Variants in HAUS7 observed in about 807,000 individuals in gnomAD.
HAUS7 encodes HAUS augmin-like complex subunit 7.
HAUS7 carries 3 observed loss-of-function variants against 28.4 expected under a neutral mutation model. That is an observed-to-expected ratio of 0.11 (90% confidence interval 0.05 to 0.27). HAUS7 has a LOEUF of 0.27. Among genes scored for constraint, HAUS7 ranks in the 10% least tolerant of loss-of-function variants. HAUS7 has a pLI of 1.00. For missense variants in HAUS7, 284 were observed against 297.3 expected, an observed-to-expected ratio of 0.96 and a Z score of 0.33; for synonymous variants, 165 against 132.1, an observed-to-expected ratio of 1.25 and a Z score of -1.71.
chrX:153,487,871 C>T (rs1413526875), intron 1 of HAUS7, among the ~76,000 whole-genome samples: 1 of 112,736 alleles, frequency 8.9e-6, no homozygotes, highest in Non-Finnish European at 1.9e-5. Context: ...ACTGGGTCTG[C>T]GGAGCCCTCG....
chrX:153,490,444 C>T (rs1556989403), intron 1 of HAUS7, among the ~76,000 whole-genome samples: 2 of 112,872 alleles, frequency 1.8e-5, no homozygotes, highest in African/African-American at 6.4e-5. Context: ...GTGGAGGCTC[C>T]GCTCACTCAG....
chrX:153,461,049 G>A (rs932367384), intron 4 of HAUS7, among the ~76,000 whole-genome samples: 7 of 112,405 alleles, frequency 6.2e-5, no homozygotes, highest in African/African-American at 1.9e-4. Context: ...CACACACAGG[G>A]GGGACCCGAA....
upstream of HAUS7, among the ~76,000 whole-genome samples, chrX:153,473,834 C>G (rs73245884): frequency 0.11 from 12,599 of 110,728 alleles, 790 homozygotes; most frequent in East Asian, 0.29. Flanking sequence ...TCATCTCCTC[C>G]CTGTCTTCCT....
chrX:153,483,790 G>A (rs2089617248), intron 1 of HAUS7, among the ~76,000 whole-genome samples: 1 of 112,022 alleles, frequency 8.9e-6, no homozygotes, highest in South Asian at 3.7e-4. Flanking sequence ...CTGCCCTGCC[G>A]GCCCCCAGGA....
At chrX:153,463,552 C>T (rs955565281) in intron 3 of HAUS7, among the ~76,000 whole-genome samples, 18 of 112,660 alleles carry the variant, frequency 1.6e-4, no homozygotes, top group Non-Finnish European at 5.6e-5. Context: ...TCCCCGGGCA[C>T]CCTGTTCCCA....
intron 1 of HAUS7, among the ~76,000 whole-genome samples, chrX:153,476,058 C>T (rs1309567381): frequency 1.8e-5 from 2 of 112,057 alleles, no homozygotes; most frequent in Non-Finnish European, 1.9e-5. Flanking sequence ...TCCTGTGACT[C>T]CTCTGCTTAG....
intron 1 of HAUS7, among the ~76,000 whole-genome samples, chrX:153,487,496 C>T (rs1360233973): frequency 8.9e-6 from 1 of 112,183 alleles, no homozygotes; most frequent in African/African-American, 3.2e-5. Flanking sequence ...ATTCCTGGCC[C>T]CAGAACCCTC....
intron 1 of HAUS7, chrX:153,480,584 G>C (rs1040275778): frequency 2.1e-5 from 16 of 753,890 alleles, no homozygotes; most frequent in Non-Finnish European, 2.5e-5. Flanking sequence ...CCGCAGGTCA[G>C]CTGCAGCCCA....
In HAUS7 at chrX:153,455,620, G is replaced by A; in HGVS notation, c.852C>T (p.Cys284=). ...QVYDDELGEC[C]QRPGPDLHPC... Reference sequence around the variant, plus strand: ...GGTGGAGGTCAGGGCCTGGGCGCTGGCAGCACTCGCCCAGCTCGTCGTCGT... The same window carrying A: ...GGTGGAGGTCAGGGCCTGGGCGCTGACAGCACTCGCCCAGCTCGTCGTCGT... Residue 284 remains cysteine, a synonymous_variant, in exon 8 of 10, where the codon TGC becomes TGT. Coordinates refer to ENST00000370211, the MANE Select transcript of HAUS7 (RefSeq NM_001385482.1). 1 of 1,208,985 alleles carries A rather than the reference G, an allele frequency of 8.3e-7. No homozygotes were observed. The highest frequency in any genetic ancestry group is 3.0e-5 in the East Asian group (1 of 33,844).
intron 2 of HAUS7, among the ~76,000 whole-genome samples, chrX:153,467,380 C>T (rs952514275): frequency 1.2e-4 from 13 of 111,595 alleles, no homozygotes; most frequent in Admixed American, 1.9e-4. Context: ...CTCAGCACGT[C>T]GCTCCCCAGG....
At chrX:153,470,705 C>A, upstream of HAUS7, 1 of 885,750 alleles carries the variant, frequency 1.1e-6, no homozygotes, top group African/African-American at 2.0e-5. Flanking sequence ...TCTCCGCCTG[C>A]GCGGGCCCCG....
At chrX:153,475,393 C>G (rs894731765), upstream of HAUS7, among the ~76,000 whole-genome samples, 12 of 110,401 alleles carry the variant, frequency 1.1e-4, no homozygotes, top group Non-Finnish European at 1.5e-4. Flanking sequence ...TCCACCCCCA[C>G]CCCGCAGCAG....
At chrX:153,479,565 G>A (rs926891938) in intron 1 of HAUS7, among the ~76,000 whole-genome samples, 7 of 111,996 alleles carry the variant, frequency 6.3e-5, no homozygotes, top group African/African-American at 2.3e-4. Context: ...AGGAGCGGGC[G>A]CTACAGTGAG....
chrX:153,485,705 T>C, intron 1 of HAUS7: 1 of 711,268 alleles, frequency 1.4e-6, no homozygotes, highest in Admixed American at 7.1e-5. Flanking sequence ...CTGCAGCCCC[T>C]GGAACTCCCC....
At chrX:153,494,426 G>T (rs1161368638) in intron 1 of HAUS7, among the ~76,000 whole-genome samples, 3 of 112,069 alleles carry the variant, frequency 2.7e-5, no homozygotes, top group Non-Finnish European at 5.6e-5. Context: ...GGCACAGGGC[G>T]CCAGGAGCCT....
chrX:153,478,325 G>A (rs1402086876), intron 1 of HAUS7, among the ~76,000 whole-genome samples: 4 of 111,966 alleles, frequency 3.6e-5, no homozygotes, highest in Non-Finnish European at 7.5e-5. Context: ...ACTGGAGCCA[G>A]ACACCCCCTT....
chrX:153,451,495 T>G (rs782518208), intron 9 of HAUS7, among the ~76,000 whole-genome samples: 8 of 112,032 alleles, frequency 7.1e-5, no homozygotes, highest in Non-Finnish European at 1.5e-4. Flanking sequence ...GGGGTAGTTA[T>G]GTGCCGAGGC....
rs981727621 is a variant in HAUS7 at position 153,483,650 on chromosome X, C to T, written c.-589+11724G>A. 4.5e-5 allele frequency among the ~76,000 whole-genome samples: 5 copies of T among 111,805 alleles called. No individual in the cohort carries two copies. The East Asian group carries it at 1.4e-3, about 32-fold the overall frequency. On this transcript the variant is annotated intron_variant, in intron 1 of 5. Coordinates refer to the HAUS7 transcript ENST00000370210. ...TTCGGTGGGTCACTGGGGTCACCTC[C>T]CTCCCTGCTTAGGTTAGCCTGGGCC... is the stretch of plus-strand genomic sequence containing the variant.
chrX:153,453,250 T>A (rs2089260270), intron 9 of HAUS7, among the ~76,000 whole-genome samples: 1 of 111,877 alleles, frequency 8.9e-6, no homozygotes, highest in Admixed American at 9.5e-5. Context: ...ATGACAGTGG[T>A]TGCCAGGAGT....
Sources: allele counts gnomAD v4.1 joint callset (sites outside exome capture counted in the v4.1 genomes callset), GRCh38; gene constraint gnomAD v4.1.1; transcripts MANE v1.5; gene names NCBI Gene and HGNC (gene_info 2026-07-23, HGNC 2026-07-21).